The following CDH18 variants were observed in gnomAD, a reference collection of about 807,000 sequenced individuals.
CDH18 encodes cadherin 18.
In CDH18, 31 loss-of-function variants were observed where a neutral mutation model predicts 67.9. The ratio of observed to expected loss-of-function variants is 0.46; its 90% confidence interval spans 0.34 to 0.62. The LOEUF (loss-of-function observed/expected upper bound fraction) is 0.62. Among genes scored for constraint, CDH18 ranks in the 20% least tolerant of loss-of-function variants. The pLI is 0.01. For synonymous variants in CDH18, 362 were observed against 347.2 expected (o/e 1.04, Z -0.48); for missense variants, 890 against 975.5 (o/e 0.91, Z 1.17).
At chr5:20,162,740 C>A (rs112465390) in intron 2 of CDH18, among the ~76,000 whole-genome samples, 1 of 151,462 alleles carries the variant, frequency 6.6e-6, no homozygotes, top group African/African-American at 2.4e-5. Flanking sequence ...ATTCATATGT[C>A]TCTATAATAG....
At chr5:19,734,316 G>T (rs998721096) in intron 4 of CDH18, among the ~76,000 whole-genome samples, 1 of 152,134 alleles carries the variant, frequency 6.6e-6, no homozygotes, top group African/African-American at 2.4e-5. Flanking sequence ...CAAGCTTGTT[G>T]AGTACCCTTC....
At chr5:19,572,792 T>C (rs561010152) in intron 7 of CDH18, among the ~76,000 whole-genome samples, 1 of 152,270 alleles carries the variant, frequency 6.6e-6, no homozygotes, top group Admixed American at 6.5e-5. Context: ...CATATGAATT[T>C]TGAGGGAAGA....
chr5:20,002,173 C>A (rs550069228), intron 2 of CDH18, among the ~76,000 whole-genome samples: 3 of 152,162 alleles, frequency 2.0e-5, no homozygotes, highest in Non-Finnish European at 4.4e-5. Context: ...TTGAATTTTA[C>A]TTCACACATT....
At chr5:20,275,084 T>A (rs979083365) in intron 1 of CDH18, among the ~76,000 whole-genome samples, 1 of 151,324 alleles carries the variant, frequency 6.6e-6, no homozygotes, top group Non-Finnish European at 1.5e-5. Context: ...AGCTAAAGAT[T>A]TTTTTTTTAT....
intron 12 of CDH18, among the ~76,000 whole-genome samples, chr5:19,479,874 T>C (rs1739110384): frequency 6.6e-6 from 1 of 152,112 alleles, no homozygotes; most frequent in Non-Finnish European, 1.5e-5. Context: ...TTTATTAGTC[T>C]TGAGGGATAT....
chr5:19,654,593 C>T (rs539624682), intron 5 of CDH18, among the ~76,000 whole-genome samples: 85 of 152,182 alleles, frequency 5.6e-4, no homozygotes, highest in African/African-American at 2.0e-3. Context: ...GTGGTGCCTA[C>T]GACTCCTGAA....
chr5:20,461,070 T>C (rs746889536), intron 1 of CDH18, among the ~76,000 whole-genome samples: 1 of 152,178 alleles, frequency 6.6e-6, no homozygotes, highest in Non-Finnish European at 1.5e-5. Context: ...CAGGTATCAA[T>C]AGGCCCAGCA....
At chr5:20,353,656 C>T (rs1324378006) in intron 1 of CDH18, among the ~76,000 whole-genome samples, 2 of 152,204 alleles carry the variant, frequency 1.3e-5, no homozygotes, top group Non-Finnish European at 2.9e-5. Flanking sequence ...CCTCAACCTT[C>T]AGGCTTTGGC....
intron 3 of CDH18, among the ~76,000 whole-genome samples, chr5:19,759,042 G>A (rs569286555): frequency 6.6e-6 from 1 of 152,358 alleles, no homozygotes; most frequent in South Asian, 2.1e-4. Flanking sequence ...AAGGCAAATT[G>A]CTTCTGGTGG....
intron 1 of CDH18, among the ~76,000 whole-genome samples, chr5:20,557,946 A>C: frequency 2.6e-5 from 2 of 76,826 alleles, no homozygotes. Context: ...TAGTTATATA[A>C]CATTTAATGT....
chr5:19,724,521 A>G, intron 4 of CDH18, among the ~76,000 whole-genome samples: 1 of 151,838 alleles, frequency 6.6e-6, no homozygotes, highest in African/African-American at 2.4e-5. Flanking sequence ...ATACACACAC[A>G]CACACACACA....
At chr5:20,304,218 G>C (rs966426304) in intron 1 of CDH18, 1 of 1,509,898 alleles carries the variant, frequency 6.6e-7, no homozygotes, top group African/African-American at 1.4e-5. Context: ...GGCATATTGG[G>C]TGGAATCAGA....
intron 7 of CDH18, among the ~76,000 whole-genome samples, chr5:19,589,433 T>C (rs1744732441): frequency 6.6e-6 from 1 of 152,122 alleles, no homozygotes; most frequent in Non-Finnish European, 1.5e-5. Context: ...CCAGTTTACC[T>C]GAATTATTTT....
chr5:20,386,298 C>A lies in CDH18; in HGVS notation c.-579-130793G>T, dbSNP rs537270342. 6.6e-5 allele frequency among the ~76,000 whole-genome samples: 10 copies of A among 152,210 alleles called. No homozygotes were observed. The East Asian group carries it at 1.7e-3, about 26-fold the overall frequency. On this transcript the variant is annotated intron_variant, in intron 1 of 14. Coordinates refer to the CDH18 transcript ENST00000507958. Reference sequence around the variant, plus strand: ...TTTATTCCTACTAGAGAGTCTATTGCGATTTGCCACATAATTGGTAAATCT... The same window carrying A: ...TTTATTCCTACTAGAGAGTCTATTGAGATTTGCCACATAATTGGTAAATCT...
chr5:20,330,116 G>A (rs911245432), intron 1 of CDH18, among the ~76,000 whole-genome samples: 5 of 151,924 alleles, frequency 3.3e-5, no homozygotes, highest in Non-Finnish European at 7.4e-5. Context: ...TTGTACTATC[G>A]AAGAATTTAC....
rs536104725 is a variant in CDH18, at chr5:20,096,457, TGAA to T, written c.-517-104446_-517-104444del. 2.1e-3 allele frequency among the ~76,000 whole-genome samples: 315 copies of T among 151,996 alleles called. 1 individual carries two copies. The highest frequency in any genetic ancestry group is 7.4e-3 in the African/African-American group (307 of 41,488). On this transcript the variant is annotated intron_variant, in intron 2 of 14. Coordinates refer to the CDH18 transcript ENST00000507958. The stretch of plus-strand genomic sequence containing the variant: ...AGAAAATAGAGATATGCAGAAATAA[TGAA>T]GAAAAAAGGAAAGTGTAAATATGTG...
intron 2 of CDH18, among the ~76,000 whole-genome samples, chr5:20,088,368 C>T (rs372040316): frequency 2.6e-5 from 4 of 152,126 alleles, no homozygotes; most frequent in Non-Finnish European, 2.9e-5. Context: ...TAATAAGTTT[C>T]GGAATGGTCA....
At chr5:20,280,198 T>A in intron 1 of CDH18, among the ~76,000 whole-genome samples, 1 of 151,928 alleles carries the variant, frequency 6.6e-6, no homozygotes, top group Middle Eastern at 3.4e-3. Flanking sequence ...ATTTTATTTA[T>A]TTTTTTTCTG....
At chr5:20,366,241 A>T (rs1395330947) in intron 1 of CDH18, among the ~76,000 whole-genome samples, 5 of 152,088 alleles carry the variant, frequency 3.3e-5, no homozygotes, top group Non-Finnish European at 7.4e-5. Context: ...ATTTCACAGG[A>T]TAGAAAATGG....
Sources: gnomAD v4.1 joint callset for allele counts (sites outside exome capture counted in the v4.1 genomes callset) on GRCh38, gnomAD v4.1.1 for gene constraint, MANE v1.5 for transcripts, NCBI Gene and HGNC (gene_info 2026-07-23, HGNC 2026-07-21) for gene names.